CACNA2D4: variants seen among roughly 807,000 people sequenced by gnomAD.
CACNA2D4 encodes the protein calcium voltage-gated channel auxiliary subunit alpha2delta 4, also known as voltage-dependent calcium channel subunit alpha-2/delta-4.
In CACNA2D4, 157 loss-of-function variants were observed where a neutral mutation model predicts 163.8. The observed-to-expected ratio is 0.96, with a 90% CI of 0.84 to 1.09. The LOEUF (loss-of-function observed/expected upper bound fraction) is 1.09. Ranked by LOEUF, CACNA2D4 falls within the 50% of genes least tolerant of loss-of-function variation. The pLI is 0.00. For synonymous variants in CACNA2D4, 598 were observed against 586.9 expected, an observed-to-expected ratio of 1.02 and a Z score of -0.27; for missense variants, 1,410 against 1,479.9, an observed-to-expected ratio of 0.95 and a Z score of 0.78.
intron 6 of CACNA2D4, among the ~76,000 whole-genome samples, chr12:1,898,677 C>CTCTGTG (rs1555186602): frequency 6.7e-6 from 1 of 149,298 alleles, no homozygotes; most frequent in Non-Finnish European, 1.5e-5. Flanking sequence ...TCCCACAACT[C>CTCTGTG]TGTGTGTGTG....
chr12:1,845,068 G>A (rs1865113790), intron 24 of CACNA2D4, among the ~76,000 whole-genome samples: 2 of 151,606 alleles, frequency 1.3e-5, no homozygotes, highest in Admixed American at 6.6e-5. Flanking sequence ...AGAGTGGGAG[G>A]CAGGGAGAAG....
intron 3 of CACNA2D4, among the ~76,000 whole-genome samples, 194 bp from the exon 4 acceptor site, chr12:1,910,159 A>T (rs1197443481): frequency 6.6e-6 from 1 of 152,260 alleles, no homozygotes; most frequent in Non-Finnish European, 1.5e-5. Flanking sequence ...GACAAAAGGC[A>T]CACACATATG....
intron 29 of CACNA2D4, 23 bp from the exon 30 acceptor site, chr12:1,801,667 A>G (rs1360827347): frequency 6.5e-7 from 1 of 1,534,662 alleles, no homozygotes; most frequent in East Asian, 2.4e-5. Context: ...GACAGCAGAG[A>G]GAGAGGGAGG....
chr12:1,914,519 C>T (rs1327669036), intron 2 of CACNA2D4, among the ~76,000 whole-genome samples: 1 of 152,156 alleles, frequency 6.6e-6, no homozygotes, highest in African/African-American at 2.4e-5. Context: ...GCTGGCATCA[C>T]AGGTGTTAGG....
At chr12:1,912,475 G>T (rs190852499) in intron 3 of CACNA2D4, among the ~76,000 whole-genome samples, 7 of 152,340 alleles carry the variant, frequency 4.6e-5, no homozygotes, top group Non-Finnish European at 1.0e-4. Context: ...ATCCCTGTAA[G>T]CACCTCTGCT....
intron 6 of CACNA2D4, among the ~76,000 whole-genome samples, chr12:1,906,430 A>T (rs565555121): frequency 3.3e-5 from 5 of 152,378 alleles, no homozygotes; most frequent in African/African-American, 1.2e-4. Flanking sequence ...CTGATAAGGG[A>T]TCAATATTCA....
In CACNA2D4 at chr12:1,811,679, A is replaced by G; in HGVS notation, c.2596T>C (p.Trp866Arg). The change falls in exon 27 of 38, where the codon TGG (tryptophan) becomes CGG (arginine). Residue 866 changes from tryptophan (W) to arginine (R), a missense_variant. Transcript: ENST00000382722. ...ACACCTACCTGCCGCGTTGCCGCCC[A>G]GAATTTGCGCTGGAGGAATTCCAGC... ...MKLEFLQRKFWAATRQCSTVD... is the reference protein window; with the variant it reads ...MKLEFLQRKFRAATRQCSTVD... The G allele has an allele frequency of 6.4e-7, 1 of 1,560,238 alleles. No individual in the cohort carries two copies. Among genetic ancestry groups the G allele is most frequent in the Non-Finnish European group, 8.7e-7 (1 of 1,151,682 alleles).
chr12:1,834,680 G>A lies in CACNA2D4; in HGVS notation c.2551+6059C>T. 6.2e-7 allele frequency: 1 copy of A among 1,602,044 alleles called. No homozygotes were observed. The highest frequency in any genetic ancestry group is 8.5e-7 in the Non-Finnish European group (1 of 1,179,460). On this transcript the variant is annotated intron_variant, in intron 26 of 37. Transcript: ENST00000382722. The surrounding 1 kb of genome is among the most constrained non-coding windows in gnomAD (Gnocchi z 7.6). The stretch of plus-strand genomic sequence containing the variant: ...CCAGCCCCTGATGGGGGACCCCGAG[G>A]GCGAGCACGAGGACCAGAAGCAGAT...
chr12:1,841,040 C>T (rs1865012766), intron 25 of CACNA2D4, among the ~76,000 whole-genome samples: 4 of 152,270 alleles, frequency 2.6e-5, no homozygotes. Context: ...CCTCTGGCCG[C>T]CAGCACAGTG....
intron 29 of CACNA2D4, among the ~76,000 whole-genome samples, chr12:1,803,255 AGGG>A: frequency 6.6e-6 from 1 of 152,254 alleles, no homozygotes; most frequent in East Asian, 1.9e-4. Flanking sequence ...ATTCCAGACA[AGGG>A]CTAGGCAGAA....
chr12:1,904,758 G>T (rs1866615872), intron 6 of CACNA2D4, among the ~76,000 whole-genome samples: 1 of 151,976 alleles, frequency 6.6e-6, no homozygotes, highest in South Asian at 2.1e-4. Flanking sequence ...CATATAAAAG[G>T]AAATGAGAAA....
At position 1,887,076 on chromosome 12, in the gene CACNA2D4, G is replaced by A. The variant is rs1866166263; in HGVS notation, c.782-7C>T. On this transcript the variant is annotated splice_region_variant and splice_polypyrimidine_tract_variant and intron_variant, in intron 6 of 37. Transcript: ENST00000382722. ...TCAGGTGTCCATTTTATACCTGGGAGAATAAAGACTCGTTCTTTTACTAGC... is the reference window on the plus strand; with the variant it reads ...TCAGGTGTCCATTTTATACCTGGGAAAATAAAGACTCGTTCTTTTACTAGC... 1 of 1,575,856 alleles carries A rather than the reference G, an allele frequency of 6.3e-7. No homozygotes were observed. Among genetic ancestry groups the A allele is most frequent in the Non-Finnish European group, 8.6e-7 (1 of 1,156,486 alleles).
At chr12:1,896,625 ACACACACACACACAC>A (rs1565734650) in intron 6 of CACNA2D4, among the ~76,000 whole-genome samples, 4,218 of 150,170 alleles carry the variant, frequency 0.028, 201 homozygotes, top group African/African-American at 0.099. Context: ...ACACACACAC[ACACACACACACACAC>A]ACACACACAC....
rs1422933468 is a variant in CACNA2D4, at chr12:1,886,994, CCT to C, written c.842+13_842+14del. ...AAATACCCGGGCCGCAAACCTTTCC[CCT>C]GTGAGCTCTTACCAGCCGCGGTTTC... is the stretch of plus-strand genomic sequence containing the variant. On this transcript the variant is annotated intron_variant, in intron 7 of 37. Transcript: ENST00000382722. 2 of 1,574,366 alleles carry C rather than the reference CCT, an allele frequency of 1.3e-6. No homozygotes were observed.
chr12:1,871,542 C>T (rs556097354), intron 18 of CACNA2D4, among the ~76,000 whole-genome samples: 20 of 143,570 alleles, frequency 1.4e-4, no homozygotes, highest in East Asian at 6.4e-4. Context: ...CTGATGTGTG[C>T]GTGTGTACAC....
chr12:1,860,382 C>G (rs1865498047), intron 18 of CACNA2D4, among the ~76,000 whole-genome samples, 176 bp from the exon 19 acceptor site: 1 of 152,258 alleles, frequency 6.6e-6, no homozygotes, highest in Admixed American at 6.5e-5. Context: ...GGCAGATCCT[C>G]TCTAGGTGCA....
In CACNA2D4 at chr12:1,875,576, C is replaced by G. The variant is rs1180362676; in HGVS notation, c.1720-239G>C. Among the ~76,000 whole-genome samples the G allele has an allele frequency of 6.6e-6, 1 of 152,168 alleles. No individual in the cohort carries two copies. Among genetic ancestry groups the G allele is most frequent in the Admixed American group, 6.5e-5 (1 of 15,282 alleles). ...AGTGAATCTTCCCCATGGCAGGGAG[C>G]TCCCTATCTCGTGGGTCAGCTTGTT... On this transcript the variant is annotated intron_variant, in intron 16 of 37. Transcript: ENST00000382722. The surrounding 1 kb of genome is among the most constrained non-coding windows in gnomAD (Gnocchi z 4.0).
chr12:1,828,314 G>T lies in CACNA2D4; in HGVS notation c.2551+12425C>A, dbSNP rs1328221355. The stretch of plus-strand genomic sequence containing the variant: ...ATGGGACCTTAGCCACACTCAGGCT[G>T]CAGGGAGGCCTACGCCAGATCTTCC... On this transcript the variant is annotated intron_variant, in intron 26 of 37. Coordinates refer to ENST00000382722, the MANE Select transcript of CACNA2D4 (RefSeq NM_172364.5). The surrounding 1 kb of genome is among the most constrained non-coding windows in gnomAD (Gnocchi z 4.2). 5.5e-6 allele frequency: 6 copies of T among 1,084,070 alleles called. No individual in the cohort carries two copies. The highest frequency in any genetic ancestry group is 2.9e-5 in the East Asian group (1 of 34,538). 67.2% of individuals were successfully genotyped at this position (1,084,070 alleles called of 1,614,324 possible). A position where few individuals can be genotyped will look rare whatever the true frequency, so the allele number is the denominator to read the frequency against.
At chr12:1,872,897 G>C in intron 18 of CACNA2D4, among the ~76,000 whole-genome samples, 1 of 152,132 alleles carries the variant, frequency 6.6e-6, no homozygotes. Context: ...AGCAAACTCT[G>C]GGAAACCTTT....
Sources: gnomAD v4.1 joint callset for allele counts (sites outside exome capture counted in the v4.1 genomes callset) on GRCh38, gnomAD v4.1.1 for gene constraint, Gnocchi (gnomAD v3.1) non-coding constraint, MANE v1.5 for transcripts, NCBI Gene and HGNC (gene_info 2026-07-23, HGNC 2026-07-21) for gene names.